Variants in NSMAF observed in about 807,000 individuals in gnomAD.
NSMAF encodes the protein neutral sphingomyelinase activation associated factor, also known as protein FAN.
Under a neutral mutation model 134.9 loss-of-function variants are expected in NSMAF, and 90 were observed. The ratio of observed to expected loss-of-function variants is 0.67; its 90% CI spans 0.56 to 0.79. NSMAF has a LOEUF of 0.79. Ranked by LOEUF, NSMAF falls within the 30% of genes least tolerant of loss-of-function variation. The pLI is 0.00. For missense variants in NSMAF, 1,010 were observed against 1,119.0 expected, an observed-to-expected ratio of 0.90 and a Z score of 1.39; for synonymous variants, 358 against 389.6, an observed-to-expected ratio of 0.92 and a Z score of 0.96.
chr8:58,610,628 G>C (rs1302941212), intron 9 of NSMAF, among the ~76,000 whole-genome samples: 3 of 152,232 alleles, frequency 2.0e-5, no homozygotes, highest in Non-Finnish European at 4.4e-5. Context: ...CAACAGGTGA[G>C]TGGCAGGAGG....
chr8:58,595,444 A>G (rs1758107131), intron 22 of NSMAF, 116 bp downstream of exon 22: 4 of 681,770 alleles, frequency 5.9e-6, no homozygotes, highest in Middle Eastern at 2.9e-4. Context: ...AAAAATAAAG[A>G]CAACATTGAA....
intron 25 of NSMAF, 48 bp downstream of exon 25, chr8:58,589,959 C>A: frequency 6.7e-7 from 1 of 1,503,596 alleles, no homozygotes; most frequent in Middle Eastern, 1.7e-4. Context: ...TCCACAGAGG[C>A]AGCTATTCTG....
intron 6 of NSMAF, among the ~76,000 whole-genome samples, chr8:58,625,856 T>C (rs1806917278): frequency 6.6e-6 from 1 of 152,220 alleles, no homozygotes; most frequent in African/African-American, 2.4e-5. Flanking sequence ...TTTTGTCCTC[T>C]ATCTTCCTTT....
At chr8:58,653,139 G>T (rs980925724) in intron 1 of NSMAF, among the ~76,000 whole-genome samples, 1 of 152,270 alleles carries the variant, frequency 6.6e-6, no homozygotes, top group Admixed American at 6.5e-5. Context: ...GGAGAGTAAA[G>T]ATAATGATTA....
In NSMAF at chr8:58,586,115, A is replaced by T. The variant is rs185999570; in HGVS notation, c.2447-115T>A. The T allele has an allele frequency of 1.0e-3, 844 of 836,202 alleles. 2 individuals carry two copies. The highest frequency in any genetic ancestry group is 1.6e-3 in the Middle Eastern group (7 of 4,364). 51.8% of individuals were successfully genotyped at this position (836,202 alleles called of 1,614,324 possible). A position where few individuals can be genotyped will look rare whatever the true frequency, so the allele number is the denominator to read the frequency against. On this transcript the variant is annotated intron_variant, in intron 28 of 30. Coordinates refer to ENST00000038176, the MANE Select transcript of NSMAF (RefSeq NM_003580.4). ...AATCTCCACATTCGTTTTCTTCAAA[A>T]TCCTTGTACTTAAGCAATGACTATC...
intron 10 of NSMAF, among the ~76,000 whole-genome samples, chr8:58,608,245 TC>T (rs1465988738): frequency 6.6e-6 from 1 of 152,246 alleles, no homozygotes; most frequent in Non-Finnish European, 1.5e-5. Flanking sequence ...CTGACACACA[TC>T]TTTTTTAAAG....
intron 23 of NSMAF, among the ~76,000 whole-genome samples, chr8:58,591,972 C>A (rs1210797570): frequency 6.6e-6 from 1 of 152,178 alleles, no homozygotes; most frequent in South Asian, 2.1e-4. Flanking sequence ...GCAACCCCAA[C>A]ACACAGAATT....
intron 18 of NSMAF, 191 bp downstream of exon 18, chr8:58,599,559 T>C: frequency 4.6e-6 from 4 of 860,368 alleles, no homozygotes; most frequent in Non-Finnish European, 6.9e-6. Context: ...CACATTAAGG[T>C]CTCTCAAATA....
intron 6 of NSMAF, among the ~76,000 whole-genome samples, chr8:58,624,236 G>A (rs1806862553): frequency 6.6e-6 from 1 of 151,540 alleles, no homozygotes; most frequent in Non-Finnish European, 1.5e-5. Flanking sequence ...GAGACAGGGC[G>A]GGGTTTCACC....
intron 2 of NSMAF, among the ~76,000 whole-genome samples, chr8:58,641,563 C>T (rs932826731): frequency 1.3e-5 from 2 of 152,332 alleles, no homozygotes; most frequent in Admixed American, 6.5e-5. Flanking sequence ...GTAGAGATCA[C>T]TTCATAGCAT....
At chr8:58,649,391 C>T (rs1807531173) in intron 1 of NSMAF, among the ~76,000 whole-genome samples, 1 of 152,124 alleles carries the variant, frequency 6.6e-6, no homozygotes, top group Non-Finnish European at 1.5e-5. Context: ...AGACTTAGGA[C>T]TTTGGACTTG....
Position 58,587,628 on chromosome 8 carries a change from T to C in NSMAF, c.2285A>G (p.His762Arg), listed in dbSNP as rs776148349. The change falls in exon 27 of 31, where the codon CAT becomes CGT. Residue 762 changes from histidine to arginine, a missense_variant. His to Arg is a conservative substitution (Grantham distance 29). Coordinates refer to ENST00000038176, the MANE Select transcript of NSMAF (RefSeq NM_003580.4). ...HHFDLLAELE[H>R]DVSVDTISLN... is the part of the protein sequence containing the mutation. ...GTTGCTGGTACTCACACTGACATCA[T>C]GTTCCAGCTCGGCCAGCAAGTCAAA... 5 of 1,614,150 alleles carry C rather than the reference T, an allele frequency of 3.1e-6. No individual in the cohort carries two copies. The highest frequency in any genetic ancestry group is 2.2e-5 in the South Asian group (2 of 91,070).
chr8:58,590,027 A>G lies in NSMAF; in HGVS notation c.2067T>C (p.Thr689=). The G allele has an allele frequency of 6.2e-7, 1 of 1,613,974 alleles. No individual in the cohort carries two copies. The highest frequency in any genetic ancestry group is 8.5e-7 in the Non-Finnish European group (1 of 1,179,804). The stretch of plus-strand genomic sequence containing the variant: ...CATACACATTATTATCCCATGAAGA[A>G]GTTATGACAGTGGCATCTCCTGGTA... ...LLLPGDATVI[T]SSWDNNVYFY... Residue 689 remains threonine (T), a synonymous_variant, in exon 25 of 31, where the codon ACT becomes ACC. Transcript: ENST00000038176.
At position 58,590,032 on chromosome 8, in the gene NSMAF, T is replaced by C. The variant is rs140928325; in HGVS notation, c.2062A>G (p.Ile688Val). 6.8e-6 allele frequency: 11 copies of C among 1,613,890 alleles called. No individual in the cohort carries two copies. Among genetic ancestry groups the C allele is most frequent in the Non-Finnish European group, 8.5e-6 (10 of 1,179,862 alleles). Residue 688 changes from isoleucine to valine, a missense_variant, in exon 25 of 31, where the codon ATA becomes GTA. Physicochemically the swap from Ile to Val is conservative, Grantham distance 29. Coordinates refer to ENST00000038176, the MANE Select transcript of NSMAF (RefSeq NM_003580.4). Reference protein sequence around the residue: ...CLLLPGDATVITSSWDNNVYF... With the variant: ...CLLLPGDATVVTSSWDNNVYF... Reference sequence around the variant, plus strand: ...ACATTATTATCCCATGAAGAAGTTATGACAGTGGCATCTCCTGGTAAAAGT... The same window carrying C: ...ACATTATTATCCCATGAAGAAGTTACGACAGTGGCATCTCCTGGTAAAAGT...
At chr8:58,634,677 C>T (rs1382206566) in intron 5 of NSMAF, among the ~76,000 whole-genome samples, 2 of 152,160 alleles carry the variant, frequency 1.3e-5, no homozygotes, top group East Asian at 3.8e-4. Context: ...GGAGAAAAAG[C>T]ATGTTTTAAT....
chr8:58,639,208 C>T (rs1303686110), intron 2 of NSMAF, among the ~76,000 whole-genome samples: 2 of 151,848 alleles, frequency 1.3e-5, no homozygotes, highest in African/African-American at 2.4e-5. Flanking sequence ...CGCTTGAACC[C>T]GGAAGGCAGA....
intron 16 of NSMAF, among the ~76,000 whole-genome samples, chr8:58,600,638 A>G (rs1806258892): frequency 6.6e-6 from 1 of 150,888 alleles, no homozygotes; most frequent in Non-Finnish European, 1.5e-5. Flanking sequence ...AAAAAAAAAA[A>G]AAAAAAAAGA....
At position 58,589,546 on chromosome 8, in the gene NSMAF, C is replaced by A. The variant is rs996993090; in HGVS notation, c.2117G>T (p.Arg706Leu). 6.4e-7 allele frequency: 1 copy of A among 1,569,860 alleles called. No individual in the cohort carries two copies. ...ATCATGTCCCATTAACGTGTCCTGGCGTCTTCCAAATGCTATGGAATAAAA... is the reference window on the plus strand; with the variant it reads ...ATCATGTCCCATTAACGTGTCCTGGAGTCTTCCAAATGCTATGGAATAAAA... ...VYFYSIAFGR[R>L]QDTLMGHDDA... The change falls in exon 26 of 31, where the codon CGC becomes CTC. Residue 706 changes from arginine (R) to leucine (L), a missense_variant. Arg to Leu is a moderately radical substitution (Grantham distance 102). Coordinates refer to ENST00000038176, the MANE Select transcript of NSMAF (RefSeq NM_003580.4).
chr8:58,593,286 T>G (rs1806060983), intron 23 of NSMAF, among the ~76,000 whole-genome samples: 2 of 152,326 alleles, frequency 1.3e-5, no homozygotes, highest in South Asian at 2.1e-4. Context: ...ACTTCTATGC[T>G]TTGTGGAAAA....
Sources: allele counts gnomAD v4.1 joint callset (sites outside exome capture counted in the v4.1 genomes callset), GRCh38; gene constraint gnomAD v4.1.1; transcripts MANE v1.5; gene names NCBI Gene and HGNC (gene_info 2026-07-23, HGNC 2026-07-21).